GPR37: variants seen among roughly 807,000 people sequenced by gnomAD.
GPR37 encodes the protein prosaposin receptor GPR37.
In GPR37, 20 loss-of-function variants were observed where a neutral mutation model predicts 43.6. The ratio of observed to expected loss-of-function variants is 0.46; its 90% CI spans 0.32 to 0.67. The LOEUF is 0.67. Among genes scored for constraint, GPR37 ranks in the 30% least tolerant of loss-of-function variants. GPR37 has a pLI of 0.03. For missense variants in GPR37, 724 were observed against 797.2 expected (o/e 0.91, Z 1.11); for synonymous variants, 315 against 322.6 (o/e 0.98, Z 0.25).
At chr7:124,748,202 A>AAG (rs1243058418) in intron 1 of GPR37, among the ~76,000 whole-genome samples, 1 of 152,086 alleles carries the variant, frequency 6.6e-6, no homozygotes. Context: ...AAAGGGAAAA[A>AAG]AGAGAGAGAG....
chr7:124,752,065 A>G (rs1349403392), intron 1 of GPR37, among the ~76,000 whole-genome samples: 1 of 152,156 alleles, frequency 6.6e-6, no homozygotes, highest in East Asian at 1.9e-4. Flanking sequence ...AGATCTTTCA[A>G]ACAACAATGT....
In GPR37 at chr7:124,764,890, C is replaced by T; in HGVS notation, c.87G>A (p.Gly29=). The T allele has an allele frequency of 1.8e-5, 29 of 1,606,418 alleles. No individual in the cohort carries two copies. The highest frequency in any genetic ancestry group is 2.5e-5 in the Non-Finnish European group (29 of 1,176,678). The stretch of plus-strand genomic sequence containing the variant: ...TTTCGTTTCTGGACGCAGGGGCGAC[C>T]CCGAGGGCAGAAGAGGCAGACACCT... The part of the protein sequence containing the change: ...LLKVSASSAL[G]VAPASRNETC... The change falls in exon 1 of 2, where the codon GGG becomes GGA. Residue 29 remains glycine, a synonymous_variant. Coordinates refer to ENST00000303921, the MANE Select transcript of GPR37 (RefSeq NM_005302.5). The surrounding 1 kb of genome is among the most constrained non-coding windows in gnomAD (Gnocchi z 5.4).
intron 1 of GPR37, among the ~76,000 whole-genome samples, chr7:124,760,651 G>A (rs3807544): frequency 0.46 from 69,837 of 151,862 alleles, 16,218 homozygotes; most frequent in East Asian, 0.51. Context: ...GCCAAGGAGC[G>A]GAAAGGAAAA....
intron 1 of GPR37, among the ~76,000 whole-genome samples, chr7:124,754,284 C>A (rs2069635394): frequency 6.6e-6 from 1 of 151,964 alleles, no homozygotes; most frequent in African/African-American, 2.4e-5. Flanking sequence ...AAGAAAGAGC[C>A]CATGGGTGCT....
intron 1 of GPR37, among the ~76,000 whole-genome samples, chr7:124,762,891 CCTT>C (rs1793867062): frequency 6.6e-6 from 1 of 152,152 alleles, no homozygotes. Flanking sequence ...TTACAGTTTC[CCTT>C]CTTCTGCTTC....
Position 124,743,887 on chromosome 7 carries a change from G to A in GPR37, c.*2638C>T, listed in dbSNP as rs578015920. ...TTTTTTTTTTTTTTTGTTGTTTAACGAGGAGCGTAAGACATTGGATAAGAT... is the reference window on the plus strand; with the variant it reads ...TTTTTTTTTTTTTTTGTTGTTTAACAAGGAGCGTAAGACATTGGATAAGAT... On this transcript the variant is annotated 3_prime_UTR_variant, in exon 2 of 2. Transcript: ENST00000303921. 14 of 138,950 alleles carry A rather than the reference G, an allele frequency of 1.0e-4. No individual in the cohort carries two copies. In the East Asian group the frequency reaches 2.4e-3, roughly 24 times the overall value. 8.6% of individuals were successfully genotyped at this position (138,950 alleles called of 1,614,324 possible).
At position 124,746,437 on chromosome 7, in the gene GPR37, T is replaced by G. The variant is rs777729839; in HGVS notation, c.*88A>C. On this transcript the variant is annotated 3_prime_UTR_variant, in exon 2 of 2. Coordinates refer to ENST00000303921, the MANE Select transcript of GPR37 (RefSeq NM_005302.5). Reference sequence around the variant, plus strand: ...TTTCTTTATTGTTTCTTTTTTGCATTTTTCCCTATAAGGAAAAATATGAAT... The same window carrying G: ...TTTCTTTATTGTTTCTTTTTTGCATGTTTCCCTATAAGGAAAAATATGAAT... 19 of 985,802 alleles carry G rather than the reference T, an allele frequency of 1.9e-5. No homozygotes were observed. The highest frequency in any genetic ancestry group is 2.8e-5 in the Non-Finnish European group (19 of 671,990). The allele number at this position is 985,802 out of a possible 1,614,324, so 61.1% of individuals were successfully genotyped here. A position where few individuals can be genotyped will look rare whatever the true frequency, so the allele number is the denominator to read the frequency against.
Position 124,764,233 on chromosome 7 carries a change from C to T in GPR37, c.744G>A (p.Lys248=). The change falls in exon 1 of 2, where the codon AAG becomes AAA. Residue 248 remains lysine, a synonymous_variant. Transcript: ENST00000303921. This position sits in a 1 kb window ranked among gnomAD's most constrained non-coding sequence, Gnocchi z 5.4. Reference sequence around the variant, plus strand: ...CCTGGGTCAGCGGGTAGAAGGGGTTCTTCAGTCTCACACGCCGGTTCGTGC... The same window carrying T: ...CCTGGGTCAGCGGGTAGAAGGGGTTTTTCAGTCTCACACGCCGGTTCGTGC... The part of the protein sequence containing the change: ...GNSTNRRVRL[K]NPFYPLTQES... 6.3e-7 allele frequency: 1 copy of T among 1,596,412 alleles called. No homozygotes were observed. The highest frequency in any genetic ancestry group is 8.5e-7 in the Non-Finnish European group (1 of 1,171,436).
chr7:124,757,463 C>T (rs527559295), intron 1 of GPR37, among the ~76,000 whole-genome samples: 1 of 152,124 alleles, frequency 6.6e-6, no homozygotes, highest in South Asian at 2.1e-4. Context: ...CCTGGGAAAG[C>T]TAAAGGAAAC....
intron 1 of GPR37, among the ~76,000 whole-genome samples, chr7:124,757,469 G>C (rs1346401183): frequency 2.0e-5 from 3 of 151,832 alleles, no homozygotes; most frequent in African/African-American, 7.3e-5. Flanking sequence ...AAAGCTAAAG[G>C]AAACAAAAAA....
At chr7:124,751,767 G>A (rs1237235204) in intron 1 of GPR37, among the ~76,000 whole-genome samples, 1 of 152,136 alleles carries the variant, frequency 6.6e-6, no homozygotes. Context: ...GAGTAAAGCT[G>A]TTAAGCATTG....
chr7:124,750,920 T>C (rs1451528677), intron 1 of GPR37, among the ~76,000 whole-genome samples: 1 of 152,164 alleles, frequency 6.6e-6, no homozygotes, highest in Admixed American at 6.5e-5. Context: ...CTACACTGTG[T>C]TTTATCTGAG....
intron 1 of GPR37, among the ~76,000 whole-genome samples, chr7:124,758,366 T>C (rs1213299400): frequency 6.6e-6 from 1 of 152,238 alleles, no homozygotes; most frequent in African/African-American, 2.4e-5. Context: ...CATTCTCATA[T>C]ATTGAGCACA....
At chr7:124,748,529 T>C (rs6973353) in intron 1 of GPR37, among the ~76,000 whole-genome samples, 16,159 of 152,172 alleles carry the variant, frequency 0.11, 1,199 homozygotes, top group African/African-American at 0.21. Context: ...TGAGCCACTA[T>C]GAATTTATAT....
In GPR37 at chr7:124,763,966, C is replaced by A. The variant is rs191678658; in HGVS notation, c.1011G>T (p.Val337=). The part of the protein sequence containing the change: ...WLLEDFSCKI[V]PYIEVASLGV... ...TGGAAGGCATTACCTCTATATAGGG[C>A]ACGATCTTGCAGGAGAAGTCCTCCA... The change falls in exon 1 of 2, where the codon GTG becomes GTT. Residue 337 remains valine, a synonymous_variant. Transcript: ENST00000303921. The A allele has an allele frequency of 3.2e-5, 51 of 1,613,936 alleles. No individual in the cohort carries two copies. In the East Asian group the frequency reaches 1.1e-3, roughly 35 times the overall value.
At chr7:124,763,884 G>C (rs1793879308) in intron 1 of GPR37, 70 bp downstream of exon 1, 1 of 1,331,942 alleles carries the variant, frequency 7.5e-7, no homozygotes, top group African/African-American at 1.5e-5. Context: ...GCATCCAGCA[G>C]CAGTTCTCTG....
rs995178323 is a variant in GPR37 at position 124,744,567 on chromosome 7, A to G, written c.*1958T>C. On this transcript the variant is annotated 3_prime_UTR_variant, in exon 2 of 2. Coordinates refer to ENST00000303921, the MANE Select transcript of GPR37 (RefSeq NM_005302.5). Reference sequence around the variant, plus strand: ...ATCAGCTCCTTCTAAAAGCCCACTCATCCAGTTATCTCATAAAGCCTTTCA... The same window carrying G: ...ATCAGCTCCTTCTAAAAGCCCACTCGTCCAGTTATCTCATAAAGCCTTTCA... The G allele has an allele frequency of 6.6e-6, 1 of 152,172 alleles. No homozygotes were observed. Among genetic ancestry groups the G allele is most frequent in the African/African-American group, 2.4e-5 (1 of 41,424 alleles). The allele number at this position is 152,172 out of a possible 1,614,324, so 9.4% of individuals were successfully genotyped here.
chr7:124,747,096 G>T lies in GPR37; in HGVS notation c.1271C>A (p.Ser424Tyr), dbSNP rs201188374. 1 of 1,613,980 alleles carries T rather than the reference G, an allele frequency of 6.2e-7. No individual in the cohort carries two copies. ...APAERCIIKI[S>Y]PDLPDTIYVL... ...ATAGATGGTGTCTGGTAAATCAGGA[G>T]AGATCTTAATAATGCACCTTTCTGC... Residue 424 changes from serine (S) to tyrosine (Y), a missense_variant, in exon 2 of 2, where the codon TCT becomes TAT. Coordinates refer to ENST00000303921, the MANE Select transcript of GPR37 (RefSeq NM_005302.5).
At position 124,764,558 on chromosome 7, in the gene GPR37, G is replaced by A. The variant is rs762606735; in HGVS notation, c.419C>T (p.Thr140Met). The change falls in exon 1 of 2, where the codon ACG (threonine) becomes ATG (methionine). Residue 140 changes from threonine (T) to methionine (M), a missense_variant. Thr to Met is a moderately conservative substitution (Grantham distance 81, BLOSUM62 -1). This residue lies in a region of GPR37 where 382 missense variants were observed against 355.4 expected (regional missense o/e 1.07). Coordinates refer to ENST00000303921, the MANE Select transcript of GPR37 (RefSeq NM_005302.5). This position sits in a 1 kb window ranked among gnomAD's most constrained non-coding sequence, Gnocchi z 5.4. ...PSETLGRGNP[T>M]ALQLFLQISE... ...GATCTGAAGGAAGAGCTGGAGGGCC[G>A]TGGGGTTCCCTCTCCCCAAAGTTTC... The A allele has an allele frequency of 9.9e-6, 16 of 1,613,148 alleles. No homozygotes were observed. The highest frequency in any genetic ancestry group is 5.0e-5 in the Admixed American group (3 of 60,000).
Sources: allele counts gnomAD v4.1 joint callset (sites outside exome capture counted in the v4.1 genomes callset), GRCh38; gene constraint gnomAD v4.1.1; regional missense constraint gnomAD v4.1.1; non-coding constraint Gnocchi (gnomAD v3.1); transcripts MANE v1.5; gene names NCBI Gene and HGNC (gene_info 2026-07-23, HGNC 2026-07-21).